SDK1: variants seen among roughly 807,000 people sequenced by gnomAD.
SDK1 encodes the protein sidekick cell adhesion molecule 1.
Under a neutral mutation model 245.5 loss-of-function variants are expected in SDK1, and 157 were observed. The ratio of observed to expected loss-of-function variants is 0.64; its 90% CI spans 0.56 to 0.73. SDK1 has a LOEUF of 0.73. Among genes scored for constraint, SDK1 ranks in the 30% least tolerant of loss-of-function variants. SDK1 has a pLI of 0.00. For synonymous variants in SDK1, 1,647 were observed against 1,278.5 expected (o/e 1.29, Z -6.15); for missense variants, 3,583 against 3,002.3 (o/e 1.19, Z -4.52).
chr7:4,048,925 C>G (rs997111818), intron 17 of SDK1, among the ~76,000 whole-genome samples: 27 of 152,242 alleles, frequency 1.8e-4, no homozygotes, highest in Middle Eastern at 3.4e-3. Flanking sequence ...TGTTCCCCAC[C>G]CCCCGCCTCA....
intron 42 of SDK1, among the ~76,000 whole-genome samples, chr7:4,241,551 AT>A (rs749312452): frequency 6.6e-6 from 1 of 152,220 alleles, no homozygotes; most frequent in Non-Finnish European, 1.5e-5. Context: ...GAATACTGGT[AT>A]TTTGGGATCA....
Position 4,178,467 on chromosome 7 carries a change from T to A in SDK1, c.4997-18T>A, listed in dbSNP as rs1782388711. The A allele has an allele frequency of 2.5e-6, 4 of 1,581,444 alleles. No individual in the cohort carries two copies. In the African/African-American group the frequency reaches 5.4e-5, roughly 21 times the overall value. On this transcript the variant is annotated intron_variant, in intron 34 of 44. Coordinates refer to ENST00000404826, the MANE Select transcript of SDK1 (RefSeq NM_152744.4). ...TGGTCCTGGTGGAAGCTGATCCATA[T>A]TTCCTTCAACCCTGCAGATTTAAAG...
At chr7:3,378,515 C>T (rs893966775) in intron 1 of SDK1, among the ~76,000 whole-genome samples, 1 of 152,138 alleles carries the variant, frequency 6.6e-6, no homozygotes, top group Non-Finnish European at 1.5e-5. Flanking sequence ...TGTACACATA[C>T]ACATGAGGAA....
At chr7:4,201,213 G>A (rs1458573613) in intron 35 of SDK1, among the ~76,000 whole-genome samples, 1 of 152,240 alleles carries the variant, frequency 6.6e-6, no homozygotes, top group Non-Finnish European at 1.5e-5. Flanking sequence ...CCCCACCTGA[G>A]TAGAAGCAGG....
intron 4 of SDK1, among the ~76,000 whole-genome samples, chr7:3,754,109 C>G (rs1377036320): frequency 6.6e-6 from 1 of 152,104 alleles, no homozygotes; most frequent in Non-Finnish European, 1.5e-5. Flanking sequence ...ACTCCAGGAG[C>G]CTTTGATGTT....
chr7:3,424,638 G>A (rs759368288), intron 1 of SDK1, among the ~76,000 whole-genome samples: 3 of 152,064 alleles, frequency 2.0e-5, no homozygotes, highest in Non-Finnish European at 4.4e-5. Context: ...TGTTCACACC[G>A]GTAATCCCAG....
intron 1 of SDK1, among the ~76,000 whole-genome samples, chr7:3,441,104 G>A (rs567485813): frequency 6.6e-6 from 1 of 152,280 alleles, no homozygotes; most frequent in South Asian, 2.1e-4. Context: ...ATTACAAGAA[G>A]AAAGGTGAGT....
chr7:3,618,484 G>A (rs1254420029), intron 1 of SDK1, among the ~76,000 whole-genome samples: 1 of 152,182 alleles, frequency 6.6e-6, no homozygotes, highest in Non-Finnish European at 1.5e-5. Context: ...GTGTTGCTAT[G>A]TGTAGCAATT....
At chr7:3,616,383 C>T (rs1033409753) in intron 1 of SDK1, among the ~76,000 whole-genome samples, 1 of 152,224 alleles carries the variant, frequency 6.6e-6, no homozygotes, top group East Asian at 1.9e-4. Context: ...AGGCCCTGCA[C>T]AACCTGGCCC....
chr7:3,952,017 A>G, intron 7 of SDK1, 97 bp downstream of exon 7: 1 of 1,125,708 alleles, frequency 8.9e-7, no homozygotes, highest in Non-Finnish European at 1.3e-6. Flanking sequence ...CAGTGGCTTT[A>G]TTTGTAACTC....
intron 40 of SDK1, among the ~76,000 whole-genome samples, chr7:4,231,737 G>C (rs369684357): frequency 1.3e-5 from 2 of 152,262 alleles, no homozygotes; most frequent in East Asian, 3.9e-4. Context: ...GTGACTGTAA[G>C]GACTTAGTCG....
intron 1 of SDK1, among the ~76,000 whole-genome samples, chr7:3,310,680 TGTTAA>T (rs1779528849): frequency 1.3e-5 from 2 of 152,178 alleles, no homozygotes; most frequent in Admixed American, 1.3e-4. Flanking sequence ...TAGACAGAGC[TGTTAA>T]GTTGTGTGGA....
At chr7:3,782,843 G>A (rs1780786100) in intron 4 of SDK1, among the ~76,000 whole-genome samples, 1 of 152,100 alleles carries the variant, frequency 6.6e-6, no homozygotes, top group African/African-American at 2.4e-5. Flanking sequence ...TATAAGTCAG[G>A]AATTGTCTGT....
At chr7:3,353,919 G>GT (rs1780725883) in intron 1 of SDK1, among the ~76,000 whole-genome samples, 1 of 151,952 alleles carries the variant, frequency 6.6e-6, no homozygotes, top group Non-Finnish European at 1.5e-5. Flanking sequence ...TGAAAGTTAC[G>GT]TAACTGACTT....
chr7:3,390,256 T>G (rs537898894), intron 1 of SDK1, among the ~76,000 whole-genome samples: 1 of 152,292 alleles, frequency 6.6e-6, no homozygotes, highest in African/African-American at 2.4e-5. Flanking sequence ...CAAACTATAC[T>G]TTGAATAGCA....
At chr7:3,486,431 A>G (rs1220910507) in intron 1 of SDK1, among the ~76,000 whole-genome samples, 2 of 151,928 alleles carry the variant, frequency 1.3e-5, no homozygotes, top group South Asian at 2.1e-4. Context: ...ATGTCTAATA[A>G]TTTATTCTAC....
chr7:4,124,529 C>G (rs1280335344), intron 25 of SDK1, among the ~76,000 whole-genome samples: 1 of 152,182 alleles, frequency 6.6e-6, no homozygotes, highest in Non-Finnish European at 1.5e-5. Context: ...GGGGCCCACC[C>G]TATGCAGTAT....
At chr7:3,524,674 A>G (rs1307241093) in intron 1 of SDK1, among the ~76,000 whole-genome samples, 1 of 152,194 alleles carries the variant, frequency 6.6e-6, no homozygotes, top group Non-Finnish European at 1.5e-5. Flanking sequence ...TGAGAGCAGC[A>G]TGTTTGATAG....
intron 1 of SDK1, among the ~76,000 whole-genome samples, chr7:3,612,798 G>A (rs1781642629): frequency 6.6e-6 from 1 of 152,064 alleles, no homozygotes; most frequent in South Asian, 2.1e-4. Flanking sequence ...CTGGCATTCT[G>A]GTCCTCCCGG....
Sources: gnomAD v4.1 joint callset for allele counts (sites outside exome capture counted in the v4.1 genomes callset) on GRCh38, gnomAD v4.1.1 for gene constraint, MANE v1.5 for transcripts, NCBI Gene and HGNC (gene_info 2026-07-23, HGNC 2026-07-21) for gene names.